Variants in BDNF observed in about 807,000 individuals in gnomAD.
The protein encoded by BDNF is brain derived neurotrophic factor, also known as neurotrophic factor BDNF precursor form.
Under a neutral mutation model 19.5 loss-of-function variants are expected in BDNF, and 1 was observed. That is an observed-to-expected ratio of 0.05 (90% confidence interval 0.02 to 0.24). BDNF has a LOEUF of 0.24. Among genes scored for constraint, BDNF ranks in the 10% least tolerant of loss-of-function variants. The probability of loss-of-function intolerance (pLI) is 1.00; values close to 1 mark genes in which losing one functional copy is unlikely to be tolerated. For missense variants in BDNF, 195 were observed against 317.6 expected (o/e 0.61, Z 2.93); for synonymous variants, 100 against 121.6 (o/e 0.82, Z 1.17).
chr11:27,684,412 C>T (rs1298781625), intron 1 of BDNF, among the ~76,000 whole-genome samples: 1 of 152,148 alleles, frequency 6.6e-6, no homozygotes, highest in Non-Finnish European at 1.5e-5. Context: ...TGCCTGATTG[C>T]CCTGGCTAGA....
chr11:27,718,050 T>TA (rs932194328), intron 1 of BDNF, among the ~76,000 whole-genome samples: 1 of 152,164 alleles, frequency 6.6e-6, no homozygotes, highest in Non-Finnish European at 1.5e-5. Context: ...AAAAGGATAA[T>TA]ATTCCCTTAA....
intron 1 of BDNF, among the ~76,000 whole-genome samples, chr11:27,680,680 C>G (rs1019748832): frequency 1.3e-5 from 2 of 152,108 alleles, no homozygotes; most frequent in Non-Finnish European, 2.9e-5. Context: ...AATATTCTTG[C>G]TTTTAAAGGG....
At position 27,718,354 on chromosome 11, in the gene BDNF, A is replaced by ACCCCCCCCCCCCCCCCCC. The variant is rs376255605; in HGVS notation, c.3+3057_3+3058insGGGGGGGGGGGGGGGGGG. ...TCCTCCATTCCCCGTTCCGCACACC[A>ACCCCCCCCCCCCCCCCCC]CCCCCCCCCGCCCCTCCCGGGATTT... On this transcript the variant is annotated intron_variant, in intron 1 of 1. Coordinates refer to the BDNF transcript ENST00000314915. Among the ~76,000 whole-genome samples, 16 of 101,104 alleles carry ACCCCCCCCCCCCCCCCCC rather than the reference A, an allele frequency of 1.6e-4. 1 individual carries two copies. Among genetic ancestry groups the ACCCCCCCCCCCCCCCCCC allele is most frequent in the East Asian group, 3.6e-4 (1 of 2,796 alleles). 66.3% of individuals were successfully genotyped at this position (101,104 alleles called of 152,430 possible).
chr11:27,711,300 A>G (rs903001288), intron 1 of BDNF, among the ~76,000 whole-genome samples: 3 of 152,246 alleles, frequency 2.0e-5, no homozygotes, highest in African/African-American at 7.2e-5. Flanking sequence ...AGATTTTATT[A>G]TTAATGTATA....
intron 1 of BDNF, chr11:27,699,797 G>T: frequency 1.0e-6 from 1 of 961,470 alleles, no homozygotes; most frequent in Non-Finnish European, 1.4e-6. Context: ...CCTCAGTCAG[G>T]ACCCTCGACA....
At chr11:27,689,203 G>A (rs1258587024) in intron 1 of BDNF, among the ~76,000 whole-genome samples, 1 of 152,084 alleles carries the variant, frequency 6.6e-6, no homozygotes, top group Non-Finnish European at 1.5e-5. Context: ...AATACTGCAG[G>A]TTTTGGTTAT....
intron 1 of BDNF, among the ~76,000 whole-genome samples, chr11:27,682,704 C>G (rs2133967521): frequency 6.6e-6 from 1 of 152,176 alleles, no homozygotes; most frequent in African/African-American, 2.4e-5. Flanking sequence ...TGATGGTTTC[C>G]AGCTTCATCC....
At chr11:27,701,581 CG>C, upstream of BDNF, 1 of 986,272 alleles carries the variant, frequency 1.0e-6, no homozygotes, top group Non-Finnish European at 1.2e-6. Flanking sequence ...GCTAGTTCGC[CG>C]GGGGGAGCGG....
intron 1 of BDNF, among the ~76,000 whole-genome samples, chr11:27,690,400 C>T (rs767144410): frequency 5.3e-5 from 8 of 151,946 alleles, no homozygotes; most frequent in Non-Finnish European, 7.4e-5. Context: ...GGACCTATTC[C>T]GACTTCCTGA....
chr11:27,685,279 TTC>T (rs1697194046), intron 1 of BDNF, among the ~76,000 whole-genome samples: 1 of 152,204 alleles, frequency 6.6e-6, no homozygotes, highest in Admixed American at 6.5e-5. Flanking sequence ...TATTTGATTC[TTC>T]TCTCTTTTCT....
upstream of BDNF, among the ~76,000 whole-genome samples, chr11:27,705,444 A>G (rs1393418670): frequency 6.6e-6 from 1 of 152,220 alleles, no homozygotes; most frequent in Non-Finnish European, 1.5e-5. Context: ...CCAAATTTTA[A>G]ATTCTTCATG....
chr11:27,712,708 T>C (rs1860379015), intron 1 of BDNF, among the ~76,000 whole-genome samples: 1 of 151,536 alleles, frequency 6.6e-6, no homozygotes. Context: ...AAAGACAGGG[T>C]TTTGCCATGT....
In BDNF at chr11:27,658,224, T is replaced by G; in HGVS notation, c.341A>C (p.Lys114Thr). ...PPLLFLLEEY[K>T]NYLDAANMSM... ...CATGTTTGCAGCATCTAGGTAATTTTTGTATTCCTCCAGCAGAAAGAGAAG... is the reference window on the plus strand; with the variant it reads ...CATGTTTGCAGCATCTAGGTAATTTGTGTATTCCTCCAGCAGAAAGAGAAG... The change falls in exon 2 of 2, where the codon AAA becomes ACA. Residue 114 changes from lysine to threonine, a missense_variant. This residue lies in a region of BDNF where 124 missense variants were observed against 155.0 expected (regional missense o/e 0.80). Transcript: ENST00000356660. The surrounding 1 kb of genome is among the most constrained non-coding windows in gnomAD (Gnocchi z 5.7). 4 of 1,613,954 alleles carry G rather than the reference T, an allele frequency of 2.5e-6. No individual in the cohort carries two copies. The highest frequency in any genetic ancestry group is 3.4e-6 in the Non-Finnish European group (4 of 1,180,018).
At chr11:27,699,481 C>A (rs1262433141) in intron 1 of BDNF, 5 of 1,613,926 alleles carry the variant, frequency 3.1e-6, no homozygotes, top group East Asian at 4.5e-5. Flanking sequence ...CTCTTAACTT[C>A]CCTGGAGGGC....
rs1040245625 is a variant in BDNF at position 27,656,482 on chromosome 11, G to C, written c.*1339C>G. ...GCCACCTCTGAAGGGTCCTTCAGAGGCCTTCGTTTTGGAATGTCTCAAATA... is the reference window on the plus strand; with the variant it reads ...GCCACCTCTGAAGGGTCCTTCAGAGCCCTTCGTTTTGGAATGTCTCAAATA... On this transcript the variant is annotated 3_prime_UTR_variant, in exon 2 of 2. Coordinates refer to ENST00000356660, the MANE Select transcript of BDNF (RefSeq NM_001709.5). 4 of 941,336 alleles carry C rather than the reference G, an allele frequency of 4.2e-6. No homozygotes were observed. In the Admixed American group the frequency reaches 1.9e-4, roughly 44 times the overall value. 58.3% of individuals were successfully genotyped at this position (941,336 alleles called of 1,614,324 possible).
chr11:27,701,375 C>CT, upstream of BDNF: 1 of 1,052,376 alleles, frequency 9.5e-7, no homozygotes, highest in Non-Finnish European at 1.2e-6. Context: ...CTCCCACACT[C>CT]TATTATTTTT....
At chr11:27,667,215 G>C (rs1259767953) in intron 1 of BDNF, among the ~76,000 whole-genome samples, 2 of 152,070 alleles carry the variant, frequency 1.3e-5, no homozygotes, top group African/African-American at 4.8e-5. Context: ...ACAAGCAAAT[G>C]CTGAGAGATT....
chr11:27,713,542 A>G (rs575344706), intron 1 of BDNF, among the ~76,000 whole-genome samples: 1 of 152,326 alleles, frequency 6.6e-6, no homozygotes, highest in Non-Finnish European at 1.5e-5. Context: ...ACTTAGAGAC[A>G]GGAGGTGGTT....
intron 1 of BDNF, among the ~76,000 whole-genome samples, chr11:27,672,921 G>A (rs180847796): frequency 1.3e-5 from 2 of 152,246 alleles, no homozygotes; most frequent in Admixed American, 1.3e-4. Context: ...AGACTGCAAA[G>A]GTTGTTTGTT....
Sources: allele counts gnomAD v4.1 joint callset (sites outside exome capture counted in the v4.1 genomes callset), GRCh38; gene constraint gnomAD v4.1.1; regional missense constraint gnomAD v4.1.1; non-coding constraint Gnocchi (gnomAD v3.1); transcripts MANE v1.5; gene names NCBI Gene and HGNC (gene_info 2026-07-23, HGNC 2026-07-21).